CDH7: variants seen among roughly 807,000 people sequenced by gnomAD.
CDH7 encodes the protein cadherin-7.
A neutral mutation model predicts 71.8 loss-of-function variants in CDH7; 25 were observed. The ratio of observed to expected loss-of-function variants is 0.35; its 90% CI spans 0.25 to 0.49. The LOEUF (loss-of-function observed/expected upper bound fraction) is 0.49. Among genes scored for constraint, CDH7 ranks in the 20% least tolerant of loss-of-function variants. CDH7 has a pLI of 0.99. For missense variants in CDH7, 862 were observed against 974.6 expected, an observed-to-expected ratio of 0.88 and a Z score of 1.54; for synonymous variants, 381 against 363.8, an observed-to-expected ratio of 1.05 and a Z score of -0.54.
At chr18:65,750,696 G>C (rs898546373), upstream of CDH7, 3 of 152,364 alleles carry the variant, frequency 2.0e-5, no homozygotes, top group Non-Finnish European at 4.4e-5. Context: ...GCCGGCCTCC[G>C]ACAGCGCTGA....
rs569455115 is a variant in CDH7 at position 65,784,244 on chromosome 18, G to C, written c.210+21192G>C. 5.9e-5 allele frequency among the ~76,000 whole-genome samples: 9 copies of C among 151,650 alleles called. No homozygotes were observed. In the East Asian group the frequency reaches 7.8e-4, roughly 13 times the overall value. ...TTACAGGCATGAGCCACTGTGCTTAGCTGAAAAGTTGTAATTTTTAAAAGG... is the reference window on the plus strand; with the variant it reads ...TTACAGGCATGAGCCACTGTGCTTACCTGAAAAGTTGTAATTTTTAAAAGG... On this transcript the variant is annotated intron_variant, in intron 2 of 11. Transcript: ENST00000397968.
intron 6 of CDH7, among the ~76,000 whole-genome samples, chr18:65,831,340 C>T (rs1912341211): frequency 6.6e-6 from 1 of 152,142 alleles, no homozygotes; most frequent in African/African-American, 2.4e-5. Context: ...CTGAAACCTT[C>T]CATCTTAAAA....
intron 1 of CDH7, among the ~76,000 whole-genome samples, chr18:65,757,043 AG>A (rs1414678133): frequency 1.6e-5 from 2 of 123,226 alleles, no homozygotes; most frequent in Admixed American, 7.6e-5. Context: ...AATGCATAAC[AG>A]TTTTTTTTTT....
At chr18:65,799,602 G>A (rs768700384) in intron 2 of CDH7, among the ~76,000 whole-genome samples, 10 of 152,098 alleles carry the variant, frequency 6.6e-5, no homozygotes, top group Admixed American at 1.3e-4. Flanking sequence ...CGTGAACCCA[G>A]GAGGCGGAGC....
intron 6 of CDH7, among the ~76,000 whole-genome samples, chr18:65,829,265 G>A (rs968015965): frequency 5.3e-5 from 8 of 151,382 alleles, no homozygotes; most frequent in Non-Finnish European, 1.0e-4. Context: ...GACCACAGGC[G>A]CCCGCCACTA....
rs1278352165 is a variant in CDH7, at chr18:65,881,846, C to T, written c.*952C>T. 6.6e-6 allele frequency: 1 copy of T among 152,088 alleles called. No individual in the cohort carries two copies. Among genetic ancestry groups the T allele is most frequent in the Non-Finnish European group, 1.5e-5 (1 of 68,020 alleles). The allele number at this position is 152,088 out of a possible 1,614,324, so 9.4% of individuals were successfully genotyped here. On this transcript the variant is annotated 3_prime_UTR_variant, in exon 12 of 12. Coordinates refer to ENST00000397968, the MANE Select transcript of CDH7 (RefSeq NM_004361.5). ...TGGAAATGGAGAACTAATAGTAAAG[C>T]AATTGAGCCCTGTTGCAGGTCACAT... is the stretch of plus-strand genomic sequence containing the variant.
chr18:65,800,160 A>C (rs958077635), intron 2 of CDH7, among the ~76,000 whole-genome samples: 1 of 152,006 alleles, frequency 6.6e-6, no homozygotes, highest in East Asian at 1.9e-4. Flanking sequence ...GCTCACTGCA[A>C]CCTCCATCTC....
At chr18:65,806,530 T>A (rs1048732908) in intron 2 of CDH7, among the ~76,000 whole-genome samples, 1 of 152,162 alleles carries the variant, frequency 6.6e-6, no homozygotes, top group Non-Finnish European at 1.5e-5. Flanking sequence ...TTGCGTTTAT[T>A]TTGTTTATGT....
rs1555692664 is a variant in CDH7, at chr18:65,885,374, T to TG, written c.*4480_*4481insG. On this transcript the variant is annotated 3_prime_UTR_variant, in exon 12 of 12. Transcript: ENST00000397968. ...AACTGAAAAGGATGTGTGCCTGTGT[T>TG]TTTTTTTTTTTTTTTTTTTTTGACG... The TG allele has an allele frequency of 1.0e-5, 1 of 98,820 alleles. No homozygotes were observed. Among genetic ancestry groups the TG allele is most frequent in the African/African-American group, 3.7e-5 (1 of 27,254 alleles). The allele number at this position is 98,820 out of a possible 1,614,324, so 6.1% of individuals were successfully genotyped here. A position where few individuals can be genotyped will look rare whatever the true frequency, so the allele number is the denominator to read the frequency against.
chr18:65,874,163 G>A (rs1914004557), intron 11 of CDH7, among the ~76,000 whole-genome samples: 1 of 152,062 alleles, frequency 6.6e-6, no homozygotes, highest in African/African-American at 2.4e-5. Context: ...GAATTAAATG[G>A]AATTTAGGCT....
At chr18:65,771,090 T>C (rs528027622) in intron 2 of CDH7, among the ~76,000 whole-genome samples, 1 of 152,110 alleles carries the variant, frequency 6.6e-6, no homozygotes, top group Non-Finnish European at 1.5e-5. Flanking sequence ...ATCAGTATTA[T>C]GGGATTCAGG....
intron 7 of CDH7, among the ~76,000 whole-genome samples, chr18:65,850,579 T>TA (rs1913112433): frequency 1.5e-5 from 2 of 137,658 alleles, no homozygotes; most frequent in African/African-American, 6.4e-5. Context: ...CCTGCAGAGG[T>TA]TTTATTATTA....
rs1458101527 is a variant in CDH7, at chr18:65,858,909, C to T, written c.1373-16C>T. 11 of 1,605,336 alleles carry T rather than the reference C, an allele frequency of 6.9e-6. No homozygotes were observed. The highest frequency in any genetic ancestry group is 1.7e-5 in the Admixed American group (1 of 59,786). ...TGGGCAAAGAGTAAATGATAAGACACTGTCTTATTTATTAGAGAATCCATC... is the reference window on the plus strand; with the variant it reads ...TGGGCAAAGAGTAAATGATAAGACATTGTCTTATTTATTAGAGAATCCATC... On this transcript the variant is annotated splice_polypyrimidine_tract_variant and intron_variant, in intron 8 of 11. Transcript: ENST00000397968.
At chr18:65,841,958 T>G (rs775792290) in intron 6 of CDH7, among the ~76,000 whole-genome samples, 26 of 152,304 alleles carry the variant, frequency 1.7e-4, no homozygotes, top group Non-Finnish European at 3.7e-4. Context: ...CATGGCAGTA[T>G]TTTCTATGTG....
chr18:65,854,189 C>T (rs1293499743), intron 7 of CDH7, among the ~76,000 whole-genome samples: 7 of 151,438 alleles, frequency 4.6e-5, no homozygotes, highest in Non-Finnish European at 1.0e-4. Flanking sequence ...GTGTGTAGAC[C>T]TTGCTCCTTG....
Position 65,857,853 on chromosome 18 carries a change from T to A in CDH7, c.1273T>A (p.Phe425Ile). The change falls in exon 8 of 12, where the codon TTC becomes ATC. Residue 425 changes from phenylalanine (F) to isoleucine (I), a missense_variant. Coordinates refer to ENST00000397968, the MANE Select transcript of CDH7 (RefSeq NM_004361.5). ...CAGAAACACAGACTTGGAGAGATAC[T>A]TCAATATTGATGCCAACAGTGGGGT... ...IDRNTDLERY[F>I]NIDANSGVIT... 1 of 1,613,508 alleles carries A rather than the reference T, an allele frequency of 6.2e-7. No homozygotes were observed. The highest frequency in any genetic ancestry group is 1.1e-5 in the South Asian group (1 of 91,054).
At chr18:65,806,320 C>T (rs1048684975) in intron 2 of CDH7, among the ~76,000 whole-genome samples, 1 of 150,864 alleles carries the variant, frequency 6.6e-6, no homozygotes. Flanking sequence ...ATAGTTACTT[C>T]AAAGTCAAAA....
chr18:65,835,237 C>A (rs531554151), intron 6 of CDH7, among the ~76,000 whole-genome samples: 2 of 152,164 alleles, frequency 1.3e-5, no homozygotes, highest in Admixed American at 1.3e-4. Context: ...TGTATTGACC[C>A]AAGCAAGACA....
rs1471488676 is a variant in CDH7, at chr18:65,762,960, T to C, written c.118T>C (p.Ser40Pro). The change falls in exon 2 of 12, where the codon TCA (serine) becomes CCA (proline). Residue 40 changes from serine (S) to proline (P), a missense_variant. By Grantham distance (74) the Ser-to-Pro change is moderately conservative. Transcript: ENST00000397968. ...GTCCAGATCAAAGCCCTATTTCCAA[T>C]CAGGGAGGTCCCGGACCAAGCGCAG... ...SRSRSKPYFQ[S>P]GRSRTKRSWV... 6.2e-7 allele frequency: 1 copy of C among 1,613,630 alleles called. No homozygotes were observed. Among genetic ancestry groups the C allele is most frequent in the East Asian group, 2.2e-5 (1 of 44,852 alleles).
Sources: allele counts gnomAD v4.1 joint callset (sites outside exome capture counted in the v4.1 genomes callset), GRCh38; gene constraint gnomAD v4.1.1; transcripts MANE v1.5; gene names NCBI Gene and HGNC (gene_info 2026-07-23, HGNC 2026-07-21).